Variants in DLGAP2 observed in about 807,000 individuals in gnomAD.
DLGAP2 encodes the protein DLG associated protein 2.
A neutral mutation model predicts 100.3 loss-of-function variants in DLGAP2; 26 were observed. That is an observed-to-expected ratio of 0.26 (90% CI 0.19 to 0.36). The LOEUF (loss-of-function observed/expected upper bound fraction) is 0.36. Ranked by LOEUF, DLGAP2 falls within the 10% of genes least tolerant of loss-of-function variation. DLGAP2 has a pLI of 1.00. For missense variants in DLGAP2, 1,858 were observed against 1,453.2 expected, an observed-to-expected ratio of 1.28 and a Z score of -4.53; for synonymous variants, 886 against 630.1, an observed-to-expected ratio of 1.41 and a Z score of -6.08.
chr8:1,253,055 C>T (rs765457073), intron 2 of DLGAP2, among the ~76,000 whole-genome samples: 10 of 152,326 alleles, frequency 6.6e-5, no homozygotes, highest in African/African-American at 1.4e-4. Context: ...TTGCACTGCA[C>T]GGCCCACGGC....
intron 3 of DLGAP2, among the ~76,000 whole-genome samples, chr8:1,267,619 AAG>A (rs1799490783): frequency 8.0e-6 from 1 of 125,110 alleles, no homozygotes; most frequent in African/African-American, 3.6e-5. Flanking sequence ...AAGATAAGAT[AAG>A]ATAAATATTA....
chr8:1,185,593 A>G lies in DLGAP2; in HGVS notation c.74-73258A>G, dbSNP rs187044104. Among the ~76,000 whole-genome samples the G allele has an allele frequency of 2.0e-5, 3 of 152,308 alleles. No homozygotes were observed. In the East Asian group the frequency reaches 5.8e-4, roughly 29 times the overall value. ...AGTCATTTATTGACTCGCTAATTCC[A>G]TCATGCAAAATGGTAAAAAAGAAAA... On this transcript the variant is annotated intron_variant, in intron 2 of 14. Coordinates refer to ENST00000637795, the MANE Select transcript of DLGAP2 (RefSeq NM_001346810.2).
chr8:1,376,404 G>A lies in DLGAP2; in HGVS notation c.106+117521G>A, dbSNP rs147817600. Among the ~76,000 whole-genome samples, 936 of 152,350 alleles carry A rather than the reference G, an allele frequency of 6.1e-3. 6 individuals carry two copies. The highest frequency in any genetic ancestry group is 0.02 in the African/African-American group (822 of 41,578). ...AGAGAGAGGAGCTTCCTTGAAAAGC[G>A]CCCCGCTGCATGGCCTCTGTGCCCA... On this transcript the variant is annotated intron_variant, in intron 3 of 14. Transcript: ENST00000637795.
intron 2 of DLGAP2, among the ~76,000 whole-genome samples, chr8:1,032,106 C>A (rs1563154888): frequency 6.6e-6 from 1 of 152,224 alleles, no homozygotes; most frequent in Admixed American, 6.5e-5. Context: ...ACACATCTGC[C>A]CCTGGGTCTG....
chr8:1,295,360 C>T (rs540673998), intron 3 of DLGAP2, among the ~76,000 whole-genome samples: 5 of 152,352 alleles, frequency 3.3e-5, no homozygotes, highest in African/African-American at 4.8e-5. Context: ...GGAGTCCCAG[C>T]GTGGCAGCTG....
At chr8:979,645 C>G (rs567061067) in intron 2 of DLGAP2, among the ~76,000 whole-genome samples, 2 of 152,356 alleles carry the variant, frequency 1.3e-5, no homozygotes, top group South Asian at 4.1e-4. Context: ...GAACTGCCCT[C>G]TGAGCGTCAG....
rs368943705 is a variant in DLGAP2 at position 1,266,646 on chromosome 8, C to T, written c.106+7763C>T. Among the ~76,000 whole-genome samples the T allele has an allele frequency of 1.1e-3, 166 of 152,278 alleles. 1 individual carries two copies. The South Asian group carries it at 0.023, about 21-fold the overall frequency. On this transcript the variant is annotated intron_variant, in intron 3 of 14. Transcript: ENST00000637795. ...ATGCACCCTCTGTTCTCAGTCACCA[C>T]GCACTGACGTACGCCTCCGTGGGTG...
chr8:1,284,841 C>T (rs995130065), intron 3 of DLGAP2, among the ~76,000 whole-genome samples: 12 of 152,132 alleles, frequency 7.9e-5, no homozygotes, highest in Non-Finnish European at 1.8e-4. Flanking sequence ...GAACTTCTGG[C>T]CTCCCACCTC....
chr8:1,127,344 G>A (rs904282423), intron 2 of DLGAP2, among the ~76,000 whole-genome samples: 4 of 152,042 alleles, frequency 2.6e-5, no homozygotes, highest in South Asian at 2.1e-4. Context: ...CATGGAACGG[G>A]CAGGCTGAGA....
chr8:1,227,533 GC>G (rs1798447478), intron 2 of DLGAP2, among the ~76,000 whole-genome samples: 1 of 149,874 alleles, frequency 6.7e-6, no homozygotes, highest in South Asian at 2.1e-4. Flanking sequence ...CTGCTCTGTC[GC>G]CCAGACTGGA....
chr8:798,488 G>A (rs534224776), intron 1 of DLGAP2, among the ~76,000 whole-genome samples: 23 of 139,556 alleles, frequency 1.6e-4, no homozygotes, highest in African/African-American at 3.2e-4. Context: ...GCCTGCTTCC[G>A]TTGGCACTGA....
chr8:1,596,920 T>C (rs1033327668), intron 6 of DLGAP2, among the ~76,000 whole-genome samples: 4 of 152,276 alleles, frequency 2.6e-5, no homozygotes, highest in Non-Finnish European at 5.9e-5. Flanking sequence ...CTTGGTGTTT[T>C]AGTCATGAAG....
chr8:818,146 TCAGACTCTCCTTGGGTGGGGCTGGCTG>T (rs1796519747), intron 1 of DLGAP2, among the ~76,000 whole-genome samples: 1 of 152,128 alleles, frequency 6.6e-6, no homozygotes, highest in Non-Finnish European at 1.5e-5. Context: ...ATGTCTGAGC[TCAGACTCTCCTTGGGTGGGGCTGGCTG>T]CAGCTGCTGT....
At chr8:1,453,168 G>A (rs1050773841) in intron 3 of DLGAP2, among the ~76,000 whole-genome samples, 2 of 152,266 alleles carry the variant, frequency 1.3e-5, no homozygotes, top group Admixed American at 6.5e-5. Flanking sequence ...GCTGGGCAGA[G>A]GGCTGGGGTG....
At chr8:761,820 A>C (rs1368201077) in intron 1 of DLGAP2, among the ~76,000 whole-genome samples, 2 of 152,180 alleles carry the variant, frequency 1.3e-5, no homozygotes, top group South Asian at 2.1e-4. Flanking sequence ...AGCTTCTTGC[A>C]CCAGCTGTCC....
intron 1 of DLGAP2, among the ~76,000 whole-genome samples, chr8:802,308 C>T (rs1796184799): frequency 1.3e-5 from 2 of 152,248 alleles, no homozygotes; most frequent in South Asian, 2.1e-4. Context: ...GGTCCTCTGT[C>T]ATCACGGCCT....
chr8:1,188,553 C>T (rs562934038), intron 2 of DLGAP2, among the ~76,000 whole-genome samples: 2 of 151,266 alleles, frequency 1.3e-5, no homozygotes, highest in South Asian at 4.2e-4. Flanking sequence ...CTCAGACGCC[C>T]GGGATCTCCG....
At chr8:1,513,965 A>G (rs976280208) in intron 4 of DLGAP2, among the ~76,000 whole-genome samples, 1 of 152,196 alleles carries the variant, frequency 6.6e-6, no homozygotes. Context: ...GAGATGTTGA[A>G]CTGAAAGGTA....
chr8:1,390,454 G>A (rs1046593118), intron 3 of DLGAP2, among the ~76,000 whole-genome samples: 66 of 152,258 alleles, frequency 4.3e-4, no homozygotes, highest in Non-Finnish European at 2.5e-4. Context: ...AGAACATCAG[G>A]GTTAGTTCCA....
Sources: gnomAD v4.1 joint callset for allele counts (sites outside exome capture counted in the v4.1 genomes callset) on GRCh38, gnomAD v4.1.1 for gene constraint, MANE v1.5 for transcripts, NCBI Gene and HGNC (gene_info 2026-07-23, HGNC 2026-07-21) for gene names.